DGKH: variants seen among roughly 807,000 people sequenced by gnomAD.
DGKH encodes the protein diacylglycerol kinase eta.
Under a neutral mutation model 159.3 loss-of-function variants are expected in DGKH, and 90 were observed. The ratio of observed to expected loss-of-function variants is 0.57; its 90% CI spans 0.48 to 0.67. The LOEUF (loss-of-function observed/expected upper bound fraction) is 0.67, where lower values mean the gene tolerates loss of function less well. Ranked by LOEUF, DGKH falls within the 30% of genes least tolerant of loss-of-function variation. The pLI is 0.00. For synonymous variants in DGKH, 536 were observed against 553.8 expected (o/e 0.97, Z 0.45); for missense variants, 1,181 against 1,506.1 (o/e 0.78, Z 3.57).
intron 1 of DGKH, among the ~76,000 whole-genome samples, chr13:42,041,706 G>C (rs924803869): frequency 1.3e-5 from 2 of 152,058 alleles, no homozygotes; most frequent in Non-Finnish European, 2.9e-5. Flanking sequence ...CTCTCACTCA[G>C]AGCTCTGGAA....
At chr13:42,196,029 G>A (rs1052736029) in intron 17 of DGKH, 6 of 152,154 alleles carry the variant, frequency 3.9e-5, no homozygotes, top group Non-Finnish European at 8.8e-5. Context: ...TACACAAATA[G>A]CCAGTAAATA....
chr13:42,055,739 T>C (rs552445457), intron 1 of DGKH, among the ~76,000 whole-genome samples: 2 of 152,364 alleles, frequency 1.3e-5, no homozygotes, highest in Admixed American at 1.3e-4. Flanking sequence ...GTTTTACATC[T>C]AAGAATAGAC....
At chr13:42,062,546 G>C (rs747866784) in intron 1 of DGKH, among the ~76,000 whole-genome samples, 17 of 152,130 alleles carry the variant, frequency 1.1e-4, no homozygotes, top group Admixed American at 9.8e-4. Context: ...AGGGGGAAAA[G>C]CTTTTCTAGC....
intron 25 of DGKH, 115 bp downstream of exon 25, chr13:42,214,727 G>A (rs1294378991): frequency 1.2e-6 from 1 of 867,776 alleles, no homozygotes; most frequent in Non-Finnish European, 1.6e-6. Flanking sequence ...GTCTATATGA[G>A]TCTCTACAAA....
intron 1 of DGKH, among the ~76,000 whole-genome samples, chr13:42,083,540 T>C (rs1350193107): frequency 6.6e-6 from 1 of 152,240 alleles, no homozygotes; most frequent in East Asian, 1.9e-4. Context: ...CGCCATTTTA[T>C]CTAGCGCCGC....
intron 29 of DGKH, among the ~76,000 whole-genome samples, chr13:42,222,891 T>C (rs1958019063): frequency 6.6e-6 from 1 of 152,134 alleles, no homozygotes; most frequent in Non-Finnish European, 1.5e-5. Flanking sequence ...GCAGAATGAA[T>C]GTGTAGAATG....
chr13:42,050,687 TA>T (rs34418087), intron 1 of DGKH, among the ~76,000 whole-genome samples: 26,877 of 148,572 alleles, frequency 0.18, 2,539 homozygotes, highest in East Asian at 0.32. Context: ...AAATGGCAGG[TA>T]AAAAAAAAAA....
At chr13:42,174,307 C>T (rs1169650166) in intron 12 of DGKH, among the ~76,000 whole-genome samples, 163 bp downstream of exon 12, 1 of 152,040 alleles carries the variant, frequency 6.6e-6, no homozygotes, top group Non-Finnish European at 1.5e-5. Context: ...TAGTCCTCTC[C>T]CCCAGAGAGA....
intron 1 of DGKH, among the ~76,000 whole-genome samples, chr13:42,073,276 A>G (rs1883094004): frequency 3.3e-5 from 5 of 152,208 alleles, no homozygotes; most frequent in Admixed American, 3.3e-4. Context: ...GCCATTTATT[A>G]AAATAGTGTG....
intron 26 of DGKH, among the ~76,000 whole-genome samples, chr13:42,216,105 T>G (rs1957787990): frequency 6.6e-6 from 1 of 152,260 alleles, no homozygotes; most frequent in Non-Finnish European, 1.5e-5. Flanking sequence ...TTTCAAGAAG[T>G]AAATTTCAAG....
At chr13:42,160,736 A>G (rs755639861) in intron 7 of DGKH, among the ~76,000 whole-genome samples, 3 of 152,206 alleles carry the variant, frequency 2.0e-5, no homozygotes, top group Non-Finnish European at 4.4e-5. Flanking sequence ...GCTGCTCTAC[A>G]ATGATAGTGA....
At chr13:42,193,587 C>A (rs1296611051) in intron 16 of DGKH, among the ~76,000 whole-genome samples, 1 of 152,066 alleles carries the variant, frequency 6.6e-6, no homozygotes, top group South Asian at 2.1e-4. Context: ...TAAGAAGAAC[C>A]AGAAAACATT....
At chr13:42,178,460 T>G (rs909011271) in intron 13 of DGKH, among the ~76,000 whole-genome samples, 1 of 152,158 alleles carries the variant, frequency 6.6e-6, no homozygotes, top group African/African-American at 2.4e-5. Context: ...ATCAAAAAGG[T>G]GTAAGAAGCG....
At chr13:42,227,824 G>A (rs1958172952) in intron 29 of DGKH, among the ~76,000 whole-genome samples, 1 of 152,146 alleles carries the variant, frequency 6.6e-6, no homozygotes, top group Non-Finnish European at 1.5e-5. Flanking sequence ...GAAAGAGAGA[G>A]ACAATGACCG....
intron 1 of DGKH, among the ~76,000 whole-genome samples, chr13:42,058,034 G>C (rs1881885817): frequency 6.6e-6 from 1 of 152,098 alleles, no homozygotes; most frequent in Non-Finnish European, 1.5e-5. Context: ...TCTTAGCCTG[G>C]GTTCATGCAT....
At chr13:42,048,211 C>T (rs1880937175), upstream of DGKH, among the ~76,000 whole-genome samples, 1 of 152,110 alleles carries the variant, frequency 6.6e-6, no homozygotes, top group Non-Finnish European at 1.5e-5. This position sits in a 1 kb window ranked among gnomAD's most constrained non-coding sequence, Gnocchi z 6.7. Flanking sequence ...CGGCGAGGCC[C>T]AAGTGTCTCT....
chr13:42,128,553 A>G (rs530658428), intron 2 of DGKH, among the ~76,000 whole-genome samples: 8 of 152,172 alleles, frequency 5.3e-5, no homozygotes, highest in African/African-American at 1.9e-4. Flanking sequence ...TACCATCACT[A>G]GGATGACTTT....
At chr13:42,064,298 G>A (rs574503714) in intron 1 of DGKH, among the ~76,000 whole-genome samples, 12 of 152,290 alleles carry the variant, frequency 7.9e-5, no homozygotes, top group African/African-American at 2.6e-4. Context: ...GAACAGGGGC[G>A]TGGGAAAGGG....
At chr13:42,058,173 A>C (rs958004321) in intron 1 of DGKH, among the ~76,000 whole-genome samples, 1 of 152,198 alleles carries the variant, frequency 6.6e-6, no homozygotes, top group African/African-American at 2.4e-5. Context: ...AGGTGAAAAA[A>C]ATACATATAT....
Sources: allele counts gnomAD v4.1 joint callset (sites outside exome capture counted in the v4.1 genomes callset), GRCh38; gene constraint gnomAD v4.1.1; non-coding constraint Gnocchi (gnomAD v3.1); transcripts MANE v1.5; gene names NCBI Gene and HGNC (gene_info 2026-07-23, HGNC 2026-07-21).